Variants in MASP1 observed in about 807,000 individuals in gnomAD.
MASP1 encodes mannan-binding lectin serine protease 1.
MASP1 carries 59 observed loss-of-function variants against 77.1 expected under a neutral mutation model. That is an observed-to-expected ratio of 0.77 (90% CI 0.62 to 0.95). MASP1 has a LOEUF of 0.95. Ranked by LOEUF, MASP1 falls within the 40% of genes least tolerant of loss-of-function variation. The pLI, the probability that MASP1 is intolerant of heterozygous loss-of-function variation, is 0.00. For synonymous variants in MASP1, 362 were observed against 354.5 expected (o/e 1.02, Z -0.24); for missense variants, 885 against 912.9 (o/e 0.97, Z 0.39).
At chr3:187,220,659 G>A (rs1579453262) in intron 15 of MASP1, among the ~76,000 whole-genome samples, 2 of 151,696 alleles carry the variant, frequency 1.3e-5, no homozygotes, top group South Asian at 2.1e-4. Flanking sequence ...CACCATGCCC[G>A]GCTAATTTTT....
At position 187,235,048 on chromosome 3, in the gene MASP1, A is replaced by G; in HGVS notation, c.*636T>C. The G allele has an allele frequency of 1.6e-6, 2 of 1,287,242 alleles. No homozygotes were observed. The highest frequency in any genetic ancestry group is 2.0e-6 in the Non-Finnish European group (2 of 988,700). The allele number at this position is 1,287,242 out of a possible 1,614,324, so 79.7% of individuals were successfully genotyped here. On this transcript the variant is annotated 3_prime_UTR_variant, in exon 11 of 11. Transcript: ENST00000296280. Reference sequence around the variant, plus strand: ...CTCCATGTCTTTTGAAATTCCTTTAATGGGGAACATAAGGGATAAGGCTTA... The same window carrying G: ...CTCCATGTCTTTTGAAATTCCTTTAGTGGGGAACATAAGGGATAAGGCTTA...
chr3:187,258,594 G>T (rs952798129), intron 4 of MASP1, among the ~76,000 whole-genome samples: 1 of 152,180 alleles, frequency 6.6e-6, no homozygotes, highest in Admixed American at 6.5e-5. Flanking sequence ...TGGAGGTGGT[G>T]CTTCCCAGAC....
chr3:187,283,372 T>C (rs1197537829), intron 2 of MASP1, among the ~76,000 whole-genome samples: 1 of 152,262 alleles, frequency 6.6e-6, no homozygotes, highest in Non-Finnish European at 1.5e-5. Flanking sequence ...CTGCTTCATC[T>C]GCCTTCCTTG....
At chr3:187,226,542 T>G in intron 11 of MASP1, 1 of 1,537,108 alleles carries the variant, frequency 6.5e-7, no homozygotes, top group Non-Finnish European at 8.9e-7. Flanking sequence ...AACACACGTC[T>G]CATCGTCCTG....
intron 2 of MASP1, 41 bp downstream of exon 2, chr3:187,285,784 G>T (rs1177758354): frequency 2.6e-6 from 4 of 1,511,478 alleles, no homozygotes; most frequent in Non-Finnish European, 3.7e-6. Flanking sequence ...CTAAATCCCA[G>T]AAGAGAGCCT....
At chr3:187,230,397 T>C (rs1000672239), downstream of MASP1, among the ~76,000 whole-genome samples, 3 of 152,230 alleles carry the variant, frequency 2.0e-5, no homozygotes, top group Non-Finnish European at 4.4e-5. Flanking sequence ...TGCACCCTAA[T>C]AGTTGAGCCC....
At chr3:187,262,479 A>G in intron 3 of MASP1, 64 bp downstream of exon 3, 1 of 1,526,272 alleles carries the variant, frequency 6.6e-7, no homozygotes. Flanking sequence ...GAGAGGTCAC[A>G]AGGCAGTTTT....
At chr3:187,266,718 A>G (rs551470254) in intron 2 of MASP1, among the ~76,000 whole-genome samples, 32 of 152,308 alleles carry the variant, frequency 2.1e-4, no homozygotes, top group African/African-American at 7.2e-4. Context: ...CTGGGAAGGC[A>G]CATCTGATAA....
At chr3:187,225,559 C>A (rs1712376238) in intron 12 of MASP1, 1 of 1,592,634 alleles carries the variant, frequency 6.3e-7, no homozygotes, top group African/African-American at 1.3e-5. Context: ...AGGATAAGGT[C>A]ACACCTTGTT....
chr3:187,244,171 A>G (rs1162265722), intron 8 of MASP1: 1 of 162,044 alleles, frequency 6.2e-6, no homozygotes, highest in Non-Finnish European at 1.4e-5. Context: ...CTGCCTCTCT[A>G]CAGGCAGCTT....
chr3:187,219,960 C>T (rs913933401), exon 16 of MASP1: 46 of 1,144,602 alleles, frequency 4.0e-5, no homozygotes, highest in African/African-American at 1.8e-4. Flanking sequence ...ATGGATAGGC[C>T]GAAGGAGGGG....
chr3:187,291,364 G>T, intron 1 of MASP1: 1 of 566,370 alleles, frequency 1.8e-6, no homozygotes, highest in Admixed American at 2.9e-5. Context: ...TGCAGGCAGT[G>T]GGAGAAATCT....
At chr3:187,228,424 C>T (rs1445003024) in intron 11 of MASP1, among the ~76,000 whole-genome samples, 7 of 152,162 alleles carry the variant, frequency 4.6e-5, no homozygotes, top group African/African-American at 1.7e-4. Flanking sequence ...CCTCTGCCCT[C>T]GCTGGCAGCT....
intron 1 of MASP1, among the ~76,000 whole-genome samples, chr3:187,289,744 A>G (rs1380355439): frequency 3.3e-5 from 5 of 152,198 alleles, no homozygotes; most frequent in Non-Finnish European, 7.3e-5. Flanking sequence ...AGTGGAATAT[A>G]GTAGAAAAAA....
downstream of MASP1, chr3:187,230,025 T>G (rs1712674868): frequency 1.0e-6 from 1 of 981,026 alleles, no homozygotes; most frequent in South Asian, 1.6e-5. Context: ...TTAATTGACC[T>G]TCCTGATAAT....
chr3:187,226,387 C>T, intron 12 of MASP1: 1 of 1,563,960 alleles, frequency 6.4e-7, no homozygotes, highest in Non-Finnish European at 8.7e-7. Context: ...TGGGAGTCAG[C>T]TTGCCCCTCA....
intron 1 of MASP1, among the ~76,000 whole-genome samples, chr3:187,290,770 TTGTGTGTGTG>T (rs55722614): frequency 6.7e-5 from 10 of 149,794 alleles, no homozygotes; most frequent in African/African-American, 2.5e-4. Context: ...CTGCAGAGCA[TTGTGTGTGTG>T]TGTGTGTGTG....
At chr3:187,279,722 C>A (rs1448128962) in intron 2 of MASP1, among the ~76,000 whole-genome samples, 1 of 152,178 alleles carries the variant, frequency 6.6e-6, no homozygotes, top group Non-Finnish European at 1.5e-5. Flanking sequence ...GGTAGCTCTG[C>A]TAAGAAATCC....
chr3:187,223,316 AG>A (rs1437124507), intron 13 of MASP1: 79 of 853,330 alleles, frequency 9.3e-5, no homozygotes, highest in Non-Finnish European at 3.9e-6. Flanking sequence ...TCTCAGAGAA[AG>A]GTGGTGTGGT....
Sources: gnomAD v4.1 joint callset for allele counts (sites outside exome capture counted in the v4.1 genomes callset) on GRCh38, gnomAD v4.1.1 for gene constraint, MANE v1.5 for transcripts, NCBI Gene and HGNC (gene_info 2026-07-23, HGNC 2026-07-21) for gene names.